PIAS2: variants seen among roughly 807,000 people sequenced by gnomAD.
PIAS2 encodes protein inhibitor of activated STAT 2, also known as E3 SUMO-protein ligase PIAS2.
In PIAS2, 19 loss-of-function variants were observed where a neutral mutation model predicts 69.7. The ratio of observed to expected loss-of-function variants is 0.27; its 90% CI spans 0.19 to 0.40. PIAS2 has a LOEUF of 0.40. PIAS2 is among the 10% of genes least tolerant of loss of function. The pLI, the probability that PIAS2 is intolerant of heterozygous loss-of-function variation, is 1.00. For synonymous variants in PIAS2, 261 were observed against 263.2 expected (o/e 0.99, Z 0.08); for missense variants, 624 against 757.0 (o/e 0.82, Z 2.06).
intron 1 of PIAS2, among the ~76,000 whole-genome samples, chr18:46,902,784 A>C (rs1433214969): frequency 2.0e-5 from 3 of 152,250 alleles, no homozygotes; most frequent in Non-Finnish European, 4.4e-5. Context: ...TTTAAAAAGA[A>C]CAGAGGGAGA....
At chr18:46,919,826 C>T (rs1021922295), upstream of PIAS2, among the ~76,000 whole-genome samples, 4 of 152,134 alleles carry the variant, frequency 2.6e-5, no homozygotes, top group South Asian at 2.1e-4. Context: ...TTGTGATCTT[C>T]GCTTGGCTTA....
chr18:46,830,998 A>G (rs1466846489), intron 9 of PIAS2, among the ~76,000 whole-genome samples: 4 of 152,190 alleles, frequency 2.6e-5, no homozygotes, highest in Admixed American at 6.5e-5. Context: ...CCCACAATAC[A>G]AGATTAGTTT....
chr18:46,847,718 G>A (rs1042763703), intron 5 of PIAS2, among the ~76,000 whole-genome samples: 1 of 151,988 alleles, frequency 6.6e-6, no homozygotes, highest in Non-Finnish European at 1.5e-5. Context: ...TCCTGACCTC[G>A]TGATCAGCCT....
intron 9 of PIAS2, 83 bp downstream of exon 9, chr18:46,836,274 A>T: frequency 1.0e-6 from 1 of 977,500 alleles, no homozygotes; most frequent in Non-Finnish European, 1.6e-6. Context: ...TTTAGAATTT[A>T]GTTCAGTAAG....
At chr18:46,919,986 T>C (rs1271095172), upstream of PIAS2, 1 of 1,022,486 alleles carries the variant, frequency 9.8e-7, no homozygotes, top group African/African-American at 1.7e-5. Context: ...ACAGAGGAGC[T>C]TACACCCATA....
chr18:46,841,119 T>C (rs984470095), intron 8 of PIAS2, among the ~76,000 whole-genome samples: 2 of 152,196 alleles, frequency 1.3e-5, no homozygotes, highest in Non-Finnish European at 2.9e-5. Context: ...GTGAAACTCC[T>C]ATGTAAAATT....
chr18:46,861,439 T>C (rs1427061252), intron 3 of PIAS2, among the ~76,000 whole-genome samples: 1 of 152,220 alleles, frequency 6.6e-6, no homozygotes, highest in African/African-American at 2.4e-5. Flanking sequence ...AAAAACAGAA[T>C]ACTAGGTGCC....
In PIAS2 at chr18:46,848,069, T is replaced by C. The variant is rs138773687; in HGVS notation, c.727-1228A>G. ...AAATGAATTAACATATTCCCTTTTG[T>C]ACAGAAGAAACTTCTGAATCACTTT... On this transcript the variant is annotated intron_variant, in intron 5 of 13. Transcript: ENST00000585916. Among the ~76,000 whole-genome samples, 720 of 152,312 alleles carry C rather than the reference T, an allele frequency of 4.7e-3. 9 individuals are homozygous for C. Among genetic ancestry groups the C allele is most frequent in the African/African-American group, 0.017 (689 of 41,570 alleles).
intron 9 of PIAS2, among the ~76,000 whole-genome samples, chr18:46,834,560 A>G (rs2044156160): frequency 6.6e-6 from 1 of 152,258 alleles, no homozygotes; most frequent in Admixed American, 6.5e-5. Flanking sequence ...TTAAAAATCA[A>G]AATAGCTATC....
chr18:46,850,057 C>T (rs2046738111), intron 5 of PIAS2, among the ~76,000 whole-genome samples: 1 of 152,094 alleles, frequency 6.6e-6, no homozygotes, highest in Non-Finnish European at 1.5e-5. Context: ...TCCCAGGTGC[C>T]TCAAAATTTC....
chr18:46,882,727 A>T (rs1048712014), intron 2 of PIAS2, among the ~76,000 whole-genome samples: 1 of 152,238 alleles, frequency 6.6e-6, no homozygotes, highest in African/African-American at 2.4e-5. Context: ...CTATAAGATA[A>T]TAGAACTACT....
chr18:46,901,478 G>A (rs1475691016), intron 1 of PIAS2, among the ~76,000 whole-genome samples: 1 of 152,106 alleles, frequency 6.6e-6, no homozygotes, highest in Non-Finnish European at 1.5e-5. Context: ...CAAAATATTA[G>A]TCAATAAAAT....
intron 1 of PIAS2, among the ~76,000 whole-genome samples, chr18:46,900,715 C>T (rs1417372234): frequency 6.6e-6 from 1 of 151,080 alleles, no homozygotes; most frequent in African/African-American, 2.4e-5. Context: ...GTGGCTCACA[C>T]CTGTAATCTC....
intron 1 of PIAS2, among the ~76,000 whole-genome samples, chr18:46,906,918 T>C (rs2056684988): frequency 6.6e-6 from 1 of 152,126 alleles, no homozygotes; most frequent in Non-Finnish European, 1.5e-5. Context: ...GACTGTTTCA[T>C]ACCAACCCTC....
At chr18:46,868,502 G>A (rs866606209) in intron 2 of PIAS2, among the ~76,000 whole-genome samples, 8 of 151,994 alleles carry the variant, frequency 5.3e-5, no homozygotes, top group Non-Finnish European at 1.0e-4. Flanking sequence ...CTCCCTTTCC[G>A]CCTAATTAGC....
chr18:46,812,614 T>C lies in PIAS2; in HGVS notation c.1687-2A>G, dbSNP rs1348690370. The C allele has an allele frequency of 6.3e-7, 1 of 1,590,488 alleles. No individual in the cohort carries two copies. Among genetic ancestry groups the C allele is most frequent in the Non-Finnish European group, 8.6e-7 (1 of 1,164,162 alleles). ...ATCCAAAAACATAGGAGGACAGTAC[T>C]GCTTGAAACAAACAATGATGCCAAT... On this transcript the variant is annotated splice_acceptor_variant, in intron 13 of 13. Transcript: ENST00000585916. LOFTEE classifies it high-confidence loss of function.
In PIAS2 at chr18:46,916,954, C is replaced by T. The variant is rs1354300104; in HGVS notation, c.24+368G>A. 4.1e-6 allele frequency: 4 copies of T among 985,554 alleles called. No individual in the cohort carries two copies. The African/African-American group carries it at 5.2e-5, about 13-fold the overall frequency. The allele number at this position is 985,554 out of a possible 1,614,324, so 61.1% of individuals were successfully genotyped here. On this transcript the variant is annotated intron_variant, in intron 1 of 13. Coordinates refer to ENST00000585916, the MANE Select transcript of PIAS2 (RefSeq NM_004671.5). ...TTGTGAATAGCCACAGACACGTACACCCCGGTGAAGGTGCAAGATCAAACG... is the reference window on the plus strand; with the variant it reads ...TTGTGAATAGCCACAGACACGTACATCCCGGTGAAGGTGCAAGATCAAACG...
chr18:46,910,061 C>T (rs2146285196), intron 1 of PIAS2, among the ~76,000 whole-genome samples: 1 of 152,166 alleles, frequency 6.6e-6, no homozygotes, highest in Admixed American at 6.5e-5. Context: ...GAGGCTGAGG[C>T]AGTAAAATTG....
At chr18:46,866,358 G>C (rs1193923529) in intron 2 of PIAS2, among the ~76,000 whole-genome samples, 2 of 152,154 alleles carry the variant, frequency 1.3e-5, no homozygotes, top group African/African-American at 2.4e-5. Context: ...CTTCTCATCC[G>C]AAGCAATATA....
Sources: allele counts gnomAD v4.1 joint callset (sites outside exome capture counted in the v4.1 genomes callset), GRCh38; gene constraint gnomAD v4.1.1; transcripts MANE v1.5; gene names NCBI Gene and HGNC (gene_info 2026-07-23, HGNC 2026-07-21).